GATB: variants seen among roughly 807,000 people sequenced by gnomAD.
GATB encodes the protein glutamyl-tRNA amidotransferase subunit B.
Under a neutral mutation model 62.3 loss-of-function variants are expected in GATB, and 39 were observed. That is an observed-to-expected ratio of 0.63 (90% confidence interval 0.48 to 0.82). The LOEUF (loss-of-function observed/expected upper bound fraction) is 0.82. GATB is among the 40% of genes least tolerant of loss of function. The pLI is 0.00. For synonymous variants in GATB, 276 were observed against 258.9 expected, an observed-to-expected ratio of 1.07 and a Z score of -0.63; for missense variants, 670 against 684.0, an observed-to-expected ratio of 0.98 and a Z score of 0.23.
intron 9 of GATB, among the ~76,000 whole-genome samples, chr4:151,695,193 T>C (rs1475726821): frequency 6.6e-6 from 1 of 152,204 alleles, no homozygotes; most frequent in African/African-American, 2.4e-5. Context: ...TTGCTTGGTG[T>C]CAACACTCTT....
intron 2 of GATB, among the ~76,000 whole-genome samples, chr4:151,752,369 G>A (rs1350125769): frequency 2.0e-5 from 3 of 152,132 alleles, no homozygotes; most frequent in East Asian, 1.9e-4. Context: ...ATTAATCCAC[G>A]TGTTTTGTTT....
intron 12 of GATB, 135 bp from the exon 13 acceptor site, chr4:151,671,437 C>T (rs887124130): frequency 3.6e-6 from 3 of 825,138 alleles, no homozygotes; most frequent in Admixed American, 2.6e-5. Context: ...AAATGTAGAA[C>T]AGAAAAAGGG....
chr4:151,745,185 T>G (rs535259360), intron 2 of GATB, among the ~76,000 whole-genome samples: 1 of 152,358 alleles, frequency 6.6e-6, no homozygotes, highest in Non-Finnish European at 1.5e-5. Context: ...AAACATCATC[T>G]AAGTGTGAAT....
chr4:151,695,837 A>G (rs888177126), intron 9 of GATB, among the ~76,000 whole-genome samples: 1 of 151,964 alleles, frequency 6.6e-6, no homozygotes, highest in African/African-American at 2.4e-5. Flanking sequence ...AGCTCGCTAC[A>G]GCCTTGAATT....
In GATB at chr4:151,701,490, G is replaced by A. The variant is rs113776879; in HGVS notation, c.1036C>T (p.Leu346=). Residue 346 remains leucine (L), a synonymous_variant, in exon 9 of 13, where the codon CTG becomes TTG. Coordinates refer to ENST00000263985, the MANE Select transcript of GATB (RefSeq NM_004564.3). The part of the protein sequence containing the change: ...RFMPEPNLPP[L]VLYDATSLPA... ...AGAGATGTGGCGTCGTAGAGCACCA[G>A]GGGAGGCAGGTTGGGTTCTGGCATG... 4 of 1,576,962 alleles carry A rather than the reference G, an allele frequency of 2.5e-6. No individual in the cohort carries two copies. The highest frequency in any genetic ancestry group is 1.4e-5 in the African/African-American group (1 of 73,706).
intron 2 of GATB, among the ~76,000 whole-genome samples, chr4:151,758,136 T>C (rs911459177): frequency 5.3e-5 from 8 of 152,234 alleles, no homozygotes; most frequent in African/African-American, 1.4e-4. Flanking sequence ...TTCTACATTA[T>C]TGAGTGTTTC....
chr4:151,701,607 T>A (rs1738608212), intron 8 of GATB, 89 bp from the exon 9 acceptor site: 2 of 912,078 alleles, frequency 2.2e-6, no homozygotes, highest in African/African-American at 3.4e-5. Context: ...AATGTTTCTG[T>A]GTTTAGATGC....
At chr4:151,702,234 A>G (rs1392291529) in intron 8 of GATB, among the ~76,000 whole-genome samples, 2 of 152,098 alleles carry the variant, frequency 1.3e-5, no homozygotes, top group East Asian at 3.8e-4. Context: ...CCCCATTTCA[A>G]CATTTCTACT....
At chr4:151,757,718 T>C (rs1739863977) in intron 2 of GATB, among the ~76,000 whole-genome samples, 1 of 152,004 alleles carries the variant, frequency 6.6e-6, no homozygotes, top group African/African-American at 2.4e-5. Flanking sequence ...ACCTTGTGAT[T>C]CGCCCACCTT....
intron 5 of GATB, among the ~76,000 whole-genome samples, chr4:151,708,959 C>T (rs1267191648): frequency 6.6e-6 from 1 of 152,186 alleles, no homozygotes; most frequent in Non-Finnish European, 1.5e-5. Context: ...ACATTTGGCA[C>T]CCTACAAAGT....
At chr4:151,707,885 G>C in intron 6 of GATB, 103 bp downstream of exon 6, 4 of 752,766 alleles carry the variant, frequency 5.3e-6, no homozygotes, top group Non-Finnish European at 6.8e-6. Context: ...CAGTGAAAAC[G>C]AAAGTAGTTC....
At chr4:151,755,589 A>G (rs908114192) in intron 2 of GATB, among the ~76,000 whole-genome samples, 1 of 152,218 alleles carries the variant, frequency 6.6e-6, no homozygotes, top group Non-Finnish European at 1.5e-5. Context: ...TTATGCCTAC[A>G]AAGTTTCTCC....
chr4:151,674,221 A>C (rs1896883), intron 11 of GATB: 2 of 152,116 alleles, frequency 1.3e-5, no homozygotes, highest in East Asian at 1.9e-4. Flanking sequence ...AATTCAGCAG[A>C]TATGTACGTG....
chr4:151,731,283 T>C (rs924158296), intron 2 of GATB, among the ~76,000 whole-genome samples: 2 of 152,118 alleles, frequency 1.3e-5, no homozygotes, highest in African/African-American at 4.8e-5. Context: ...CCTGACTGGT[T>C]TTCGTATTTT....
chr4:151,700,478 G>A (rs542349789), intron 9 of GATB, among the ~76,000 whole-genome samples: 10 of 152,272 alleles, frequency 6.6e-5, no homozygotes, highest in Admixed American at 1.3e-4. Flanking sequence ...GTTATTGGAA[G>A]TGTATAAATA....
At chr4:151,678,437 TTCTCTC>T (rs35701179) in intron 11 of GATB, among the ~76,000 whole-genome samples, 2 of 150,060 alleles carry the variant, frequency 1.3e-5, no homozygotes, top group African/African-American at 2.5e-5. Flanking sequence ...CAATGTGTTC[TTCTCTC>T]TCTCTCTCTC....
At chr4:151,694,843 A>T (rs1738436285) in intron 9 of GATB, among the ~76,000 whole-genome samples, 1 of 152,248 alleles carries the variant, frequency 6.6e-6, no homozygotes. Context: ...CTTACTAGCC[A>T]CTTAAAGGAA....
chr4:151,731,260 G>A lies in GATB; in HGVS notation c.328-11722C>T, dbSNP rs567573765. On this transcript the variant is annotated intron_variant, in intron 2 of 12. Transcript: ENST00000263985. ...CTGCCGAGTGCCTGCCATTGCGGGC[G>A]CGCGCCGCCACGCCTGACTGGTTTT... Among the ~76,000 whole-genome samples, 66 of 152,286 alleles carry A rather than the reference G, an allele frequency of 4.3e-4. 1 individual carries two copies. The highest frequency in any genetic ancestry group is 1.3e-3 in the African/African-American group (56 of 41,556).
intron 2 of GATB, among the ~76,000 whole-genome samples, chr4:151,740,206 A>G (rs1739456268): frequency 6.6e-6 from 1 of 152,202 alleles, no homozygotes; most frequent in African/African-American, 2.4e-5. Context: ...AAACTACACA[A>G]TATCTTCCTA....
Sources: allele counts gnomAD v4.1 joint callset (sites outside exome capture counted in the v4.1 genomes callset), GRCh38; gene constraint gnomAD v4.1.1; transcripts MANE v1.5; gene names NCBI Gene and HGNC (gene_info 2026-07-23, HGNC 2026-07-21).